Variants in ZBTB43 observed in about 807,000 individuals in gnomAD.
ZBTB43 encodes zinc finger and BTB domain-containing protein 43.
A neutral mutation model predicts 31.1 loss-of-function variants in ZBTB43; 6 were observed. That is an observed-to-expected ratio of 0.19 (90% CI 0.11 to 0.38). ZBTB43 has a LOEUF of 0.38. Among genes scored for constraint, ZBTB43 ranks in the 10% least tolerant of loss-of-function variants. The pLI, the probability that ZBTB43 is intolerant of heterozygous loss-of-function variation, is 1.00. For synonymous variants in ZBTB43, 212 were observed against 221.7 expected (o/e 0.96, Z 0.39); for missense variants, 379 against 602.1 (o/e 0.63, Z 3.88).
rs1677437663 is a variant in ZBTB43, at chr9:126,836,068, A to T, written c.*2155A>T. 6.0e-6 allele frequency: 1 copy of T among 166,996 alleles called. No individual in the cohort carries two copies. The highest frequency in any genetic ancestry group is 2.4e-5 in the African/African-American group (1 of 41,410). 10.3% of individuals were successfully genotyped at this position (166,996 alleles called of 1,614,324 possible). ...AGCAGAGCATTTTCTGCCTGTTTGGAAGGTTTGATGTCCTGTTTCTCATTG... is the reference window on the plus strand; with the variant it reads ...AGCAGAGCATTTTCTGCCTGTTTGGTAGGTTTGATGTCCTGTTTCTCATTG... On this transcript the variant is annotated 3_prime_UTR_variant, in exon 3 of 3. Coordinates refer to ENST00000373464, the MANE Select transcript of ZBTB43 (RefSeq NM_014007.4).
At chr9:126,824,197 T>G (rs1188741281) in intron 2 of ZBTB43, among the ~76,000 whole-genome samples, 5 of 152,156 alleles carry the variant, frequency 3.3e-5, no homozygotes, top group Non-Finnish European at 5.9e-5. Context: ...TGGCTAATTT[T>G]TGGTTTTTTG....
At chr9:126,819,279 A>ATTTT (rs71377975) in intron 2 of ZBTB43, among the ~76,000 whole-genome samples, 12 of 100,186 alleles carry the variant, frequency 1.2e-4, no homozygotes, top group African/African-American at 1.9e-4. Context: ...CGGATATTGC[A>ATTTT]TTTTTTTTTT....
chr9:126,833,543 C>G lies in ZBTB43; in HGVS notation c.1034C>G (p.Ala345Gly), dbSNP rs1369377073. 6.2e-7 allele frequency: 1 copy of G among 1,614,090 alleles called. No homozygotes were observed. Among genetic ancestry groups the G allele is most frequent in the Admixed American group, 1.7e-5 (1 of 60,028 alleles). ...CACAGACAGGAGGCTGCCCTCGCAG[C>G]AGGTTACAGTGAGAATATTGAAATG... ...IGHRQEAALA[A>G]GYSENIEMVT... Residue 345 changes from alanine (A) to glycine (G), a missense_variant, in exon 3 of 3, where the codon GCA becomes GGA. Transcript: ENST00000373464. This position sits in a 1 kb window ranked among gnomAD's most constrained non-coding sequence, Gnocchi z 7.9.
rs10819236 is a variant in ZBTB43, at chr9:126,814,100, T to A, written c.-24+5185T>A. Among the ~76,000 whole-genome samples the A allele has an allele frequency of 0.022, 3,325 of 152,250 alleles. 430 individuals carry two copies. In the East Asian group the frequency reaches 0.38, roughly 17 times the overall value. On this transcript the variant is annotated intron_variant, in intron 2 of 2. Transcript: ENST00000373464. ...CTATAGATTCTTGTCCTTTGCCTACTTGATTTATTAAGAATTAAAGAGGGA... is the reference window on the plus strand; with the variant it reads ...CTATAGATTCTTGTCCTTTGCCTACATGATTTATTAAGAATTAAAGAGGGA...
Position 126,813,182 on chromosome 9 carries a change from G to T in ZBTB43, c.-24+4267G>T, listed in dbSNP as rs186721714. ...TTTAGTAGAGACAGGGTTTCACCAT[G>T]TTGGCCAGGCCGGTCTGGAACTCCT... is the stretch of plus-strand genomic sequence containing the variant. On this transcript the variant is annotated intron_variant, in intron 2 of 2. Transcript: ENST00000373464. 1.1e-4 allele frequency among the ~76,000 whole-genome samples: 16 copies of T among 152,090 alleles called. No homozygotes were observed. The East Asian group carries it at 2.9e-3, about 28-fold the overall frequency.
chr9:126,816,723 AGGCCTT>A (rs2032393735), intron 2 of ZBTB43, among the ~76,000 whole-genome samples: 1 of 152,198 alleles, frequency 6.6e-6, no homozygotes, highest in African/African-American at 2.4e-5. Context: ...CTGGAGGGGT[AGGCCTT>A]AGGCCCTCTC....
chr9:126,828,419 G>A (rs1040766692), intron 2 of ZBTB43, among the ~76,000 whole-genome samples: 6 of 151,372 alleles, frequency 4.0e-5, no homozygotes, highest in East Asian at 2.0e-4. Context: ...TCCTGACCTC[G>A]CAATCCACCC....
At chr9:126,818,103 T>C (rs1010466368) in intron 2 of ZBTB43, among the ~76,000 whole-genome samples, 1 of 150,908 alleles carries the variant, frequency 6.6e-6, no homozygotes, top group African/African-American at 2.4e-5. Flanking sequence ...CAGTGTTTTG[T>C]AGTTTTTTTC....
At chr9:126,820,268 A>G (rs541531234) in intron 2 of ZBTB43, among the ~76,000 whole-genome samples, 5 of 152,324 alleles carry the variant, frequency 3.3e-5, no homozygotes, top group Non-Finnish European at 7.4e-5. Flanking sequence ...AGGAGAAGAC[A>G]ATACCTGGCT....
chr9:126,821,114 C>G (rs948244491), intron 2 of ZBTB43, among the ~76,000 whole-genome samples: 7 of 151,616 alleles, frequency 4.6e-5, no homozygotes, highest in Non-Finnish European at 8.8e-5. Flanking sequence ...ACACCTGTAA[C>G]TCCCAGCACT....
At chr9:126,832,325 C>T (rs996355380) in intron 2 of ZBTB43, 162 bp from the exon 3 acceptor site, 11 of 667,878 alleles carry the variant, frequency 1.6e-5, no homozygotes, top group Admixed American at 6.0e-5. Flanking sequence ...TTGGCAAACA[C>T]GCACCTGCAA....
intron 2 of ZBTB43, among the ~76,000 whole-genome samples, chr9:126,818,308 T>TAC (rs2032438423): frequency 6.6e-6 from 1 of 150,556 alleles, no homozygotes; most frequent in South Asian, 2.1e-4. Flanking sequence ...TATATATATA[T>TAC]ATATATTTAG....
chr9:126,829,985 C>G lies in ZBTB43; in HGVS notation c.-23-2502C>G, dbSNP rs111793361. ...TATAAAACGATAAATTAATACTTCA[C>G]TCTAAAAACACAGTCTTTTAAAATT... On this transcript the variant is annotated intron_variant, in intron 2 of 2. Transcript: ENST00000373464. 6.5e-4 allele frequency among the ~76,000 whole-genome samples: 99 copies of G among 152,272 alleles called. 1 individual carries two copies. The highest frequency in any genetic ancestry group is 2.3e-3 in the African/African-American group (96 of 41,544).
At position 126,833,062 on chromosome 9, in the gene ZBTB43, C is replaced by T; in HGVS notation, c.553C>T (p.Leu185=). ...ENEEESTKDE[L]SSQLTEHEYL... ...TGAAGAGGAGAGCACCAAAGACGAGCTGTCATCCCAGCTCACCGAGCACGA... is the reference window on the plus strand; with the variant it reads ...TGAAGAGGAGAGCACCAAAGACGAGTTGTCATCCCAGCTCACCGAGCACGA... The change falls in exon 3 of 3, where the codon CTG becomes TTG. Residue 185 remains leucine (L), a synonymous_variant. Coordinates refer to ENST00000373464, the MANE Select transcript of ZBTB43 (RefSeq NM_014007.4). The surrounding 1 kb of genome is among the most constrained non-coding windows in gnomAD (Gnocchi z 7.9). 1.2e-6 allele frequency: 2 copies of T among 1,614,048 alleles called. No individual in the cohort carries two copies. Among genetic ancestry groups the T allele is most frequent in the Non-Finnish European group, 1.7e-6 (2 of 1,180,036 alleles).
chr9:126,817,301 G>A (rs747457849), intron 2 of ZBTB43, among the ~76,000 whole-genome samples: 21 of 151,094 alleles, frequency 1.4e-4, no homozygotes, highest in African/African-American at 4.9e-4. Flanking sequence ...TGTAGAGATG[G>A]GGTCTTGCTA....
At chr9:126,824,874 T>C (rs2032597661) in intron 2 of ZBTB43, among the ~76,000 whole-genome samples, 1 of 152,218 alleles carries the variant, frequency 6.6e-6, no homozygotes, top group South Asian at 2.1e-4. Context: ...TCTGTGCCTC[T>C]ACTTCTGGAA....
chr9:126,836,769 C>G lies in ZBTB43; in HGVS notation c.*2856C>G, dbSNP rs1343373991. On this transcript the variant is annotated 3_prime_UTR_variant, in exon 3 of 3. Transcript: ENST00000373464. ...CTTAACTGTGGTTTTTCTTCAATCCCCATGGGAAAGGGCTTCAAGGCACCA... is the reference window on the plus strand; with the variant it reads ...CTTAACTGTGGTTTTTCTTCAATCCGCATGGGAAAGGGCTTCAAGGCACCA... 2.4e-5 allele frequency: 4 copies of G among 166,922 alleles called. No homozygotes were observed. Among genetic ancestry groups the G allele is most frequent in the South Asian group, 2.1e-4 (1 of 4,814 alleles). The allele number at this position is 166,922 out of a possible 1,614,324, so 10.3% of individuals were successfully genotyped here.
chr9:126,809,136 GA>G (rs1285304130), intron 2 of ZBTB43, among the ~76,000 whole-genome samples: 1 of 152,158 alleles, frequency 6.6e-6, no homozygotes, highest in African/African-American at 2.4e-5. Context: ...TCTGCCAAGT[GA>G]ATTTTTTTTC....
In ZBTB43 at chr9:126,807,623, T is replaced by C. The variant is rs544919911; in HGVS notation, c.-146-1170T>C. Among the ~76,000 whole-genome samples, 44 of 152,190 alleles carry C rather than the reference T, an allele frequency of 2.9e-4. No individual in the cohort carries two copies. In the South Asian group the frequency reaches 8.5e-3, roughly 29 times the overall value. ...TCATTTTCATGAACTTTTTTTTTCT[T>C]GTTTTTGTTTTTGTTTTGTTTTGTT... On this transcript the variant is annotated intron_variant, in intron 1 of 2. Coordinates refer to ENST00000373464, the MANE Select transcript of ZBTB43 (RefSeq NM_014007.4).
Sources: gnomAD v4.1 joint callset for allele counts (sites outside exome capture counted in the v4.1 genomes callset) on GRCh38, gnomAD v4.1.1 for gene constraint, Gnocchi (gnomAD v3.1) non-coding constraint, MANE v1.5 for transcripts, NCBI Gene and HGNC (gene_info 2026-07-23, HGNC 2026-07-21) for gene names.